The following MAST2 variants were observed in gnomAD, a reference collection of about 807,000 sequenced individuals.
The protein encoded by MAST2 is microtubule-associated serine/threonine-protein kinase 2.
Under a neutral mutation model 147.4 loss-of-function variants are expected in MAST2, and 70 were observed. That is an observed-to-expected ratio of 0.47 (90% confidence interval 0.39 to 0.58). The LOEUF (loss-of-function observed/expected upper bound fraction) is 0.58, where lower values mean the gene tolerates loss of function less well. Ranked by LOEUF, MAST2 falls within the 20% of genes least tolerant of loss-of-function variation. The pLI, the probability that MAST2 is intolerant of heterozygous loss-of-function variation, is 0.00. For missense variants in MAST2, 2,080 were observed against 2,302.3 expected, an observed-to-expected ratio of 0.90 and a Z score of 1.98; for synonymous variants, 869 against 896.8, an observed-to-expected ratio of 0.97 and a Z score of 0.55.
chr1:46,009,258 T>C (rs908807199), intron 9 of MAST2, among the ~76,000 whole-genome samples: 1 of 152,220 alleles, frequency 6.6e-6, no homozygotes, highest in African/African-American at 2.4e-5. Context: ...TTTGCCATGT[T>C]GGCCAGGCTG....
At chr1:45,953,839 T>A (rs1366562424) in intron 4 of MAST2, among the ~76,000 whole-genome samples, 2 of 152,144 alleles carry the variant, frequency 1.3e-5, no homozygotes, top group African/African-American at 2.4e-5. Flanking sequence ...TAGGAGGGTA[T>A]TGAAATCCAG....
At chr1:45,960,964 G>A (rs973653219) in intron 5 of MAST2, among the ~76,000 whole-genome samples, 1 of 152,202 alleles carries the variant, frequency 6.6e-6, no homozygotes, top group African/African-American at 2.4e-5. Flanking sequence ...GAGAAAGTGA[G>A]GGTACATGTG....
chr1:45,986,210 A>G (rs572536255), intron 5 of MAST2, among the ~76,000 whole-genome samples: 7 of 152,206 alleles, frequency 4.6e-5, no homozygotes, highest in Non-Finnish European at 1.0e-4. Context: ...TCCTATTCCT[A>G]GTTTGCTAAA....
intron 1 of MAST2, among the ~76,000 whole-genome samples, chr1:45,815,688 G>C (rs2148661528): frequency 6.6e-6 from 1 of 152,310 alleles, no homozygotes; most frequent in Non-Finnish European, 1.5e-5. Context: ...TTATATTAAA[G>C]AACATTACTT....
intron 3 of MAST2, among the ~76,000 whole-genome samples, chr1:45,829,904 G>C (rs569128113): frequency 7.1e-6 from 1 of 141,450 alleles, no homozygotes; most frequent in African/African-American, 2.6e-5. Context: ...TTTTGCTCTT[G>C]TCACCCAGGC....
chr1:45,942,913 C>T (rs930633779), intron 4 of MAST2, among the ~76,000 whole-genome samples: 1 of 152,052 alleles, frequency 6.6e-6, no homozygotes, highest in Non-Finnish European at 1.5e-5. Flanking sequence ...TGTCTTTAGC[C>T]AAAGTGGCAT....
At chr1:45,828,380 A>G (rs910282614) in intron 2 of MAST2, among the ~76,000 whole-genome samples, 11 of 152,302 alleles carry the variant, frequency 7.2e-5, no homozygotes, top group Non-Finnish European at 7.4e-5. Flanking sequence ...AGGGCATAAT[A>G]TTGAAGTTGA....
In MAST2 at chr1:46,028,846, A is replaced by G. The variant is rs746913545; in HGVS notation, c.2131A>G (p.Met711Val). 1 of 1,614,112 alleles carries G rather than the reference A, an allele frequency of 6.2e-7. No individual in the cohort carries two copies. The highest frequency in any genetic ancestry group is 8.5e-7 in the Non-Finnish European group (1 of 1,180,004). Reference protein sequence around the residue: ...GYGKPVDWWAMGIILYEFLVG... With the variant: ...GYGKPVDWWAVGIILYEFLVG... ...TGGGAAGCCAGTGGACTGGTGGGCC[A>G]TGGGCATTATCCTGTATGAGTTCCT... The change falls in exon 18 of 29, where the codon ATG becomes GTG. Residue 711 changes from methionine to valine, a missense_variant. This residue lies in a region of MAST2 where 209 missense variants were observed against 309.5 expected (regional missense o/e 0.68). Transcript: ENST00000361297.
intron 1 of MAST2, among the ~76,000 whole-genome samples, chr1:45,816,923 T>A (rs765767187): frequency 6.6e-6 from 1 of 152,170 alleles, no homozygotes; most frequent in Non-Finnish European, 1.5e-5. Flanking sequence ...GTGATCCACC[T>A]GCCTCGGCTT....
intron 4 of MAST2, among the ~76,000 whole-genome samples, chr1:45,891,785 C>T (rs1005476043): frequency 1.3e-5 from 2 of 152,078 alleles, no homozygotes; most frequent in African/African-American, 2.4e-5. Context: ...ATTAATTTAT[C>T]ATAAAGCCTT....
At chr1:46,001,069 GGTT>G in intron 6 of MAST2, 2 of 1,045,630 alleles carry the variant, frequency 1.9e-6, no homozygotes, top group Non-Finnish European at 2.6e-6. Context: ...GGTGAAAACT[GGTT>G]GTGATGATTC....
Position 45,840,563 on chromosome 1 carries a change from C to G in MAST2, c.468+10982C>G, listed in dbSNP as rs79416816. Among the ~76,000 whole-genome samples, 716 of 152,256 alleles carry G rather than the reference C, an allele frequency of 4.7e-3. 10 individuals carry two copies. The highest frequency in any genetic ancestry group is 0.018 in the East Asian group (91 of 5,186). On this transcript the variant is annotated intron_variant, in intron 3 of 28. Coordinates refer to ENST00000361297, the MANE Select transcript of MAST2 (RefSeq NM_015112.3). ...TAAAATCAAAATAATATTAAGACTT[C>G]GCTCATGCAGTTTTTAGGATGAAAT...
chr1:45,941,580 T>C (rs35743647), intron 4 of MAST2, among the ~76,000 whole-genome samples: 67,874 of 152,138 alleles, frequency 0.45, 15,332 homozygotes, highest in East Asian at 0.63. Context: ...TTTTAAAAAT[T>C]TCTTTGGGAT....
Position 46,025,693 on chromosome 1 carries a change from T to C in MAST2, c.1797T>C (p.Thr599=), listed in dbSNP as rs747714888. 2 of 1,614,154 alleles carry C rather than the reference T, an allele frequency of 1.2e-6. No homozygotes were observed. The highest frequency in any genetic ancestry group is 1.7e-6 in the Non-Finnish European group (2 of 1,180,024). The change falls in exon 16 of 29, where the codon ACT becomes ACC. Residue 599 remains threonine (T), a synonymous_variant. Coordinates refer to ENST00000361297, the MANE Select transcript of MAST2 (RefSeq NM_015112.3). Reference sequence around the variant, plus strand: ...TTGTTGCAGGGGGAGACTGTGCCACTCTGCTGAAGAATATTGGGGCCCTGC... The same window carrying C: ...TTGTTGCAGGGGGAGACTGTGCCACCCTGCTGAAGAATATTGGGGCCCTGC... ...MEYVEGGDCA[T]LLKNIGALPV...
At chr1:45,811,440 G>T (rs955364475) in intron 1 of MAST2, among the ~76,000 whole-genome samples, 2 of 150,564 alleles carry the variant, frequency 1.3e-5, no homozygotes, top group African/African-American at 2.4e-5. Context: ...CCGGGTTCGC[G>T]CCATTCTCTT....
At chr1:45,893,806 G>C (rs11211219) in intron 4 of MAST2, among the ~76,000 whole-genome samples, 51,716 of 151,880 alleles carry the variant, frequency 0.34, 9,204 homozygotes, top group African/African-American at 0.44. Flanking sequence ...ATGTCTTCTG[G>C]TAGATAACTT....
chr1:46,010,826 C>T lies in MAST2; in HGVS notation c.1075C>T (p.His359Tyr), dbSNP rs1645683637. ...PLADGALSFIHHQVIEMARDC... is the reference protein window; with the variant it reads ...PLADGALSFIYHQVIEMARDC... Reference sequence around the variant, plus strand: ...GGCAGATGGAGCCCTGAGCTTTATTCATCATCAGGTGATTGAGATGGCCCG... The same window carrying T: ...GGCAGATGGAGCCCTGAGCTTTATTTATCATCAGGTGATTGAGATGGCCCG... The change falls in exon 10 of 29, where the codon CAT becomes TAT. Residue 359 changes from histidine to tyrosine, a missense_variant. Physicochemically the swap from His to Tyr is moderately conservative, Grantham distance 83 (BLOSUM62 2). Around this residue, in one of 4 missense-constraint regions of MAST2, gnomAD observed 569 missense variants for 642.5 expected, o/e 0.89. Transcript: ENST00000361297. The T allele has an allele frequency of 6.2e-7, 1 of 1,614,208 alleles. No individual in the cohort carries two copies. The highest frequency in any genetic ancestry group is 1.1e-5 in the South Asian group (1 of 91,076).
At position 46,029,629 on chromosome 1, in the gene MAST2, T is replaced by C. The variant is rs998944792; in HGVS notation, c.2320+62T>C. ...AAAAGGGGTAAGGGAGGCTGAGTCATGTACCCTGGAGGTTCAGGCTTCGGT... is the reference window on the plus strand; with the variant it reads ...AAAAGGGGTAAGGGAGGCTGAGTCACGTACCCTGGAGGTTCAGGCTTCGGT... On this transcript the variant is annotated intron_variant, in intron 19 of 28. Transcript: ENST00000361297. 1.6e-5 allele frequency: 25 copies of C among 1,520,004 alleles called. No homozygotes were observed. In the Middle Eastern group the frequency reaches 8.6e-4, roughly 52 times the overall value. 94.2% of individuals were successfully genotyped at this position (1,520,004 alleles called of 1,614,324 possible). A position where few individuals can be genotyped will look rare whatever the true frequency, so the allele number is the denominator to read the frequency against.
At chr1:45,826,654 A>T (rs1644801801) in intron 2 of MAST2, among the ~76,000 whole-genome samples, 1 of 151,504 alleles carries the variant, frequency 6.6e-6, no homozygotes, top group Non-Finnish European at 1.5e-5. Flanking sequence ...CAGGCCAGAT[A>T]CTCCACTTAA....
Sources: gnomAD v4.1 joint callset for allele counts (sites outside exome capture counted in the v4.1 genomes callset) on GRCh38, gnomAD v4.1.1 for gene constraint, gnomAD v4.1.1 regional missense constraint, MANE v1.5 for transcripts, NCBI Gene and HGNC (gene_info 2026-07-23, HGNC 2026-07-21) for gene names.